MCPH1: variants seen among roughly 807,000 people sequenced by gnomAD.
The protein encoded by MCPH1 is microcephalin.
Under a neutral mutation model 84.5 loss-of-function variants are expected in MCPH1, and 104 were observed. That is an observed-to-expected ratio of 1.23 (90% confidence interval 1.05 to 1.45). The LOEUF (loss-of-function observed/expected upper bound fraction) is 1.45. MCPH1 is among the 40% of genes most tolerant of loss of function. The pLI, the probability that MCPH1 is intolerant of heterozygous loss-of-function variation, is 0.00. For missense variants in MCPH1, 1,498 were observed against 1,005.7 expected (o/e 1.49, Z -6.62); for synonymous variants, 514 against 366.8 (o/e 1.40, Z -4.58).
At chr8:6,601,807 A>ACCCAATCAC (rs1359063074) in intron 12 of MCPH1, among the ~76,000 whole-genome samples, 2 of 151,720 alleles carry the variant, frequency 1.3e-5, no homozygotes, top group African/African-American at 4.9e-5. Context: ...ACACACACAC[A>ACCCAATCAC]AGCCTTTCCT....
chr8:6,609,773 A>G (rs527759736), intron 12 of MCPH1, among the ~76,000 whole-genome samples: 1 of 144,836 alleles, frequency 6.9e-6, no homozygotes, highest in Admixed American at 7.3e-5. Flanking sequence ...ACAACATCAT[A>G]GATTTTATTT....
intron 12 of MCPH1, among the ~76,000 whole-genome samples, chr8:6,543,022 A>T (rs538570051): frequency 1.3e-5 from 2 of 152,086 alleles, no homozygotes; most frequent in African/African-American, 4.8e-5. Context: ...GGGAATGCTG[A>T]TGGGAATGCT....
intron 12 of MCPH1, among the ~76,000 whole-genome samples, chr8:6,609,542 C>G (rs1201696261): frequency 1.3e-5 from 2 of 152,202 alleles, no homozygotes; most frequent in Admixed American, 1.3e-4. Context: ...GAATCGCCTT[C>G]AGCGAAAGTC....
intron 11 of MCPH1, among the ~76,000 whole-genome samples, chr8:6,488,929 C>T (rs2979662): frequency 6.6e-6 from 1 of 151,818 alleles, no homozygotes; most frequent in Non-Finnish European, 1.5e-5. Flanking sequence ...CGGCGCCCTT[C>T]CTAGGAAGAT....
chr8:6,586,565 G>T (rs906418567), intron 12 of MCPH1, among the ~76,000 whole-genome samples: 1 of 152,144 alleles, frequency 6.6e-6, no homozygotes, highest in African/African-American at 2.4e-5. Context: ...ACTCTGTGCC[G>T]GTCATAGGGC....
Position 6,455,227 on chromosome 8 carries a change from T to G in MCPH1, c.1910T>G (p.Leu637Trp), listed in dbSNP as rs575505705. Reference sequence around the variant, plus strand: ...GACCTCATCAAACCTCATGAGGAATTGAAGAAAAGTGGGAGAGGCAAAAAG... The same window carrying G: ...GACCTCATCAAACCTCATGAGGAATGGAAGAAAAGTGGGAGAGGCAAAAAG... The part of the protein sequence containing the change: ...FKDLIKPHEE[L>W]KKSGRGKKPT... The change falls in exon 9 of 14, where the codon TTG becomes TGG. Residue 637 changes from leucine (L) to tryptophan (W), a missense_variant. By Grantham distance (61) the Leu-to-Trp change is moderately conservative (BLOSUM62 -2). Transcript: ENST00000344683. 2.2e-5 allele frequency: 35 copies of G among 1,613,668 alleles called. No individual in the cohort carries two copies. The South Asian group carries it at 3.5e-4, about 16-fold the overall frequency.
At chr8:6,522,764 A>T in intron 12 of MCPH1, among the ~76,000 whole-genome samples, 1 of 148,890 alleles carries the variant, frequency 6.7e-6, no homozygotes, top group Non-Finnish European at 1.5e-5. Flanking sequence ...ACAGAGCGAG[A>T]CATCGTCTCA....
chr8:6,608,073 G>A (rs1829938443), intron 12 of MCPH1, among the ~76,000 whole-genome samples: 1 of 152,186 alleles, frequency 6.6e-6, no homozygotes, highest in Admixed American at 6.5e-5. Context: ...CCAGCAAGGT[G>A]AGCTGGAGCC....
intron 6 of MCPH1, among the ~76,000 whole-genome samples, chr8:6,441,726 T>C (rs781103049): frequency 3.9e-5 from 6 of 152,212 alleles, no homozygotes; most frequent in South Asian, 2.1e-4. Context: ...TCACTGGCGA[T>C]ATCCAAAAAT....
At chr8:6,565,742 T>C (rs1826091732) in intron 12 of MCPH1, among the ~76,000 whole-genome samples, 1 of 152,146 alleles carries the variant, frequency 6.6e-6, no homozygotes, top group South Asian at 2.1e-4. Flanking sequence ...AAGCTAATAG[T>C]GTATGGAGAG....
At position 6,580,290 on chromosome 8, in the gene MCPH1, A is replaced by G. The variant is rs1827452710; in HGVS notation, c.2215-41164A>G. ...GCACTTTCTTCCTCCGTTGCAGTGTAGGTCAGCCCTTCGCAGATGCTCACA... is the reference window on the plus strand; with the variant it reads ...GCACTTTCTTCCTCCGTTGCAGTGTGGGTCAGCCCTTCGCAGATGCTCACA... On this transcript the variant is annotated intron_variant, in intron 12 of 13. Coordinates refer to ENST00000344683, the MANE Select transcript of MCPH1 (RefSeq NM_024596.5). 2.0e-5 allele frequency among the ~76,000 whole-genome samples: 3 copies of G among 152,288 alleles called. 1 individual carries two copies. Among genetic ancestry groups the G allele is most frequent in the South Asian group, 2.1e-4 (1 of 4,834 alleles).
At chr8:6,510,127 G>A (rs1814720083) in intron 12 of MCPH1, among the ~76,000 whole-genome samples, 2 of 151,800 alleles carry the variant, frequency 1.3e-5, no homozygotes, top group Non-Finnish European at 2.9e-5. Flanking sequence ...ATAAGGGAAG[G>A]GAGAAGACAA....
chr8:6,576,551 C>G (rs1202596495), intron 12 of MCPH1, among the ~76,000 whole-genome samples: 1 of 150,670 alleles, frequency 6.6e-6, no homozygotes, highest in Non-Finnish European at 1.5e-5. Context: ...CTCTGTCCCC[C>G]AGGCTGGAGT....
At chr8:6,481,755 G>A (rs955435889) in intron 11 of MCPH1, among the ~76,000 whole-genome samples, 11 of 152,160 alleles carry the variant, frequency 7.2e-5, no homozygotes, top group Non-Finnish European at 1.0e-4. Context: ...CCAAAAGTAA[G>A]CACTGTTCAT....
At chr8:6,428,740 C>T (rs975980496) in intron 3 of MCPH1, among the ~76,000 whole-genome samples, 1 of 144,234 alleles carries the variant, frequency 6.9e-6, no homozygotes, top group Non-Finnish European at 1.5e-5. Flanking sequence ...TGGACACGTG[C>T]GCACGCACAC....
intron 12 of MCPH1, among the ~76,000 whole-genome samples, chr8:6,515,875 CG>C: frequency 6.6e-6 from 1 of 152,136 alleles, no homozygotes; most frequent in Non-Finnish European, 1.5e-5. Context: ...AAGAGGAGAG[CG>C]AAAAGAGAAC....
At chr8:6,609,167 C>A (rs946215712) in intron 12 of MCPH1, among the ~76,000 whole-genome samples, 5 of 151,992 alleles carry the variant, frequency 3.3e-5, no homozygotes, top group African/African-American at 1.2e-4. Context: ...TTGTGTAGTT[C>A]TTTCCCTGTG....
At chr8:6,579,300 C>A (rs571912341) in intron 12 of MCPH1, among the ~76,000 whole-genome samples, 6 of 152,204 alleles carry the variant, frequency 3.9e-5, no homozygotes, top group African/African-American at 1.4e-4. Flanking sequence ...TTCCCGGTCC[C>A]CTTCTCCTCC....
intron 12 of MCPH1, among the ~76,000 whole-genome samples, chr8:6,577,950 G>T (rs1034563001): frequency 6.6e-6 from 1 of 152,168 alleles, no homozygotes; most frequent in African/African-American, 2.4e-5. Flanking sequence ...TGTCTGTGGG[G>T]GTAGGTCCTC....
Sources: allele counts gnomAD v4.1 joint callset (sites outside exome capture counted in the v4.1 genomes callset), GRCh38; gene constraint gnomAD v4.1.1; transcripts MANE v1.5; gene names NCBI Gene and HGNC (gene_info 2026-07-23, HGNC 2026-07-21).